Variants in PLXNC1 observed in about 807,000 individuals in gnomAD.
PLXNC1 encodes plexin-C1.
Under a neutral mutation model 178.2 loss-of-function variants are expected in PLXNC1, and 75 were observed. The ratio of observed to expected loss-of-function variants is 0.42; its 90% CI spans 0.35 to 0.51. PLXNC1 has a LOEUF of 0.51. Ranked by LOEUF, PLXNC1 falls within the 20% of genes least tolerant of loss-of-function variation. The probability of loss-of-function intolerance (pLI) is 0.02; values close to 1 mark genes in which losing one functional copy is unlikely to be tolerated. For synonymous variants in PLXNC1, 790 were observed against 779.9 expected, an observed-to-expected ratio of 1.01 and a Z score of -0.22; for missense variants, 1,503 against 1,984.4, an observed-to-expected ratio of 0.76 and a Z score of 4.61.
At chr12:94,283,559 G>A (rs1295708503) in intron 23 of PLXNC1, among the ~76,000 whole-genome samples, 1 of 152,176 alleles carries the variant, frequency 6.6e-6, no homozygotes, top group African/African-American at 2.4e-5. Flanking sequence ...GGAGACGGGA[G>A]TTTTATTATT....
At chr12:94,181,392 A>G (rs1168478146) in intron 2 of PLXNC1, 54 bp from the exon 3 acceptor site, 71 of 1,290,038 alleles carry the variant, frequency 5.5e-5, no homozygotes, top group Non-Finnish European at 7.6e-5. Context: ...GTCTCAAAAA[A>G]AAAAAAAAGT....
In PLXNC1 at chr12:94,293,172, G is replaced by C. The variant is rs758860272; in HGVS notation, c.3880-1314G>C. Among the ~76,000 whole-genome samples, 40 of 152,120 alleles carry C rather than the reference G, an allele frequency of 2.6e-4. 1 individual carries two copies. The highest frequency in any genetic ancestry group is 5.0e-4 in the Non-Finnish European group (34 of 68,014). On this transcript the variant is annotated intron_variant, in intron 23 of 30. Transcript: ENST00000258526. ...CCCATGTGGCGTGTAACAGTAGTTT[G>C]CTCATTTTCATTGTTTTATAAACTG...
rs4761598 is a variant in PLXNC1, at chr12:94,257,855, C to G, written c.3088-1482C>G. Among the ~76,000 whole-genome samples the G allele has an allele frequency of 1.6e-3, 247 of 151,744 alleles. 1 individual carries two copies. In the Middle Eastern group the frequency reaches 0.017, roughly 11 times the overall value. Reference sequence around the variant, plus strand: ...CTGGGAGGCGGAGCTTGCAGTGAGCCGAGATAGCGCCACACTGCACTCCAG... The same window carrying G: ...CTGGGAGGCGGAGCTTGCAGTGAGCGGAGATAGCGCCACACTGCACTCCAG... On this transcript the variant is annotated intron_variant, in intron 17 of 30. Transcript: ENST00000258526.
Position 94,226,723 on chromosome 12 carries a change from TG to T in PLXNC1, c.1893+18del. The T allele has an allele frequency of 6.3e-7, 1 of 1,580,186 alleles. No individual in the cohort carries two copies. Among genetic ancestry groups the T allele is most frequent in the Non-Finnish European group, 8.7e-7 (1 of 1,149,452 alleles). ...GAGAAACCAGGTAAAGTGACATTTTTGGTATTGTAAGTCTTAACCGCCGGGC... is the reference window on the plus strand; with the variant it reads ...GAGAAACCAGGTAAAGTGACATTTTTGTATTGTAAGTCTTAACCGCCGGGC... On this transcript the variant is annotated intron_variant, in intron 8 of 30. Coordinates refer to ENST00000258526, the MANE Select transcript of PLXNC1 (RefSeq NM_005761.3).
At position 94,224,293 on chromosome 12, in the gene PLXNC1, A is replaced by G. The variant is rs79208556; in HGVS notation, c.1768A>G (p.Thr590Ala). The change falls in exon 7 of 31, where the codon ACC (threonine) becomes GCC (alanine). Residue 590 changes from threonine (T) to alanine (A), a missense_variant. Coordinates refer to ENST00000258526, the MANE Select transcript of PLXNC1 (RefSeq NM_005761.3). ...SWNLSDRFNF[T>A]NCSSLKECPA... is the part of the protein sequence containing the mutation. ...GAATTTATCAGACAGATTCAACTTTACCAACTGCTCATCATTAAAAGAGTA... is the reference window on the plus strand; with the variant it reads ...GAATTTATCAGACAGATTCAACTTTGCCAACTGCTCATCATTAAAAGAGTA... The G allele has an allele frequency of 1.2e-4, 187 of 1,560,124 alleles. No individual in the cohort carries two copies. In the African/African-American group the frequency reaches 2.2e-3, roughly 18 times the overall value.
At chr12:94,210,396 A>G (rs1963432891) in intron 5 of PLXNC1, among the ~76,000 whole-genome samples, 2 of 152,236 alleles carry the variant, frequency 1.3e-5, no homozygotes, top group African/African-American at 4.8e-5. Context: ...TTGCAGTCTC[A>G]GTGGTGCTAT....
chr12:94,293,071 T>C (rs372812294), intron 23 of PLXNC1, among the ~76,000 whole-genome samples: 1 of 152,208 alleles, frequency 6.6e-6, no homozygotes, highest in African/African-American at 2.4e-5. Flanking sequence ...TTTCAAGCTC[T>C]ATGTAAATGG....
At chr12:94,303,372 G>T (rs2136235455) in intron 28 of PLXNC1, among the ~76,000 whole-genome samples, 1 of 152,326 alleles carries the variant, frequency 6.6e-6, no homozygotes, top group South Asian at 2.1e-4. Flanking sequence ...AAATTCACTG[G>T]TGGGTGAGGA....
intron 20 of PLXNC1, among the ~76,000 whole-genome samples, chr12:94,264,672 T>A (rs1965137161): frequency 6.6e-6 from 1 of 152,272 alleles, no homozygotes; most frequent in Non-Finnish European, 1.5e-5. Context: ...TGCATTTTTT[T>A]AAATGTCGTT....
chr12:94,256,105 GA>G (rs1964830519), intron 17 of PLXNC1: 1 of 152,042 alleles, frequency 6.6e-6, no homozygotes, highest in Admixed American at 6.6e-5. Flanking sequence ...GCGGTATGAT[GA>G]CCACATAGAG....
Position 94,149,224 on chromosome 12 carries a change from G to A in PLXNC1, c.253G>A (p.Gly85Ser), listed in dbSNP as rs1454942248. ...SLSRLYRDQA[G>S]NCTEPVSLAP... ...CTCGCGCCTGTACCGGGACCAAGCG[G>A]GCAACTGCACAGAGCCGGTCTCGCT... Residue 85 changes from glycine (G) to serine (S), a missense_variant, in exon 1 of 31, where the codon GGC becomes AGC. Around this residue, in one of 4 missense-constraint regions of PLXNC1, gnomAD observed 176 missense variants for 180.7 expected, o/e 0.97. Transcript: ENST00000258526. 5 of 1,584,062 alleles carry A rather than the reference G, an allele frequency of 3.2e-6. No homozygotes were observed. The highest frequency in any genetic ancestry group is 4.3e-6 in the Non-Finnish European group (5 of 1,170,202).
chr12:94,302,462 T>C (rs1265477280), intron 28 of PLXNC1, among the ~76,000 whole-genome samples: 1 of 152,196 alleles, frequency 6.6e-6, no homozygotes, highest in Non-Finnish European at 1.5e-5. Flanking sequence ...TTTGTGAACT[T>C]TCCCCAATAT....
At chr12:94,217,111 C>T (rs1310240328) in intron 5 of PLXNC1, among the ~76,000 whole-genome samples, 2 of 152,246 alleles carry the variant, frequency 1.3e-5, no homozygotes, top group African/African-American at 4.8e-5. Context: ...TTCCCCTGAA[C>T]CTGTTCTTGC....
At chr12:94,240,438 G>T in intron 10 of PLXNC1, 47 bp from the exon 11 acceptor site, 1 of 1,439,420 alleles carries the variant, frequency 6.9e-7, no homozygotes, top group Non-Finnish European at 9.7e-7. Flanking sequence ...AATCAACTGT[G>T]CTAAGTGTCT....
intron 5 of PLXNC1, among the ~76,000 whole-genome samples, chr12:94,213,846 G>C (rs747854566): frequency 6.6e-6 from 1 of 151,710 alleles, no homozygotes; most frequent in African/African-American, 2.4e-5. Context: ...TGTAAGGAAG[G>C]GATCCAGTTT....
In PLXNC1 at chr12:94,307,176, C is replaced by G. The variant is rs917105604; in HGVS notation, c.*1891C>G. ...TGAGTCCTGTGTGGAGAGTTACCTC[C>G]TCTTCCAGGGACTGTGCTGTTGGGA... is the stretch of plus-strand genomic sequence containing the variant. On this transcript the variant is annotated 3_prime_UTR_variant, in exon 31 of 31. Transcript: ENST00000258526. The G allele has an allele frequency of 3.3e-5, 5 of 152,214 alleles. No homozygotes were observed. Among genetic ancestry groups the G allele is most frequent in the African/African-American group, 1.2e-4 (5 of 41,452 alleles). 9.4% of individuals were successfully genotyped at this position (152,214 alleles called of 1,614,324 possible). A position where few individuals can be genotyped will look rare whatever the true frequency, so the allele number is the denominator to read the frequency against.
At chr12:94,170,382 GT>G (rs2135942121) in intron 2 of PLXNC1, among the ~76,000 whole-genome samples, 1 of 152,272 alleles carries the variant, frequency 6.6e-6, no homozygotes, top group Non-Finnish European at 1.5e-5. Context: ...GTTTGATCCT[GT>G]TTCCAAATAT....
intron 5 of PLXNC1, among the ~76,000 whole-genome samples, chr12:94,215,591 T>TAG (rs1963623635): frequency 1.3e-5 from 2 of 150,680 alleles, no homozygotes; most frequent in South Asian, 2.1e-4. Context: ...GATAGATAGA[T>TAG]ATCAAAAATA....
intron 22 of PLXNC1, 32 bp downstream of exon 22, chr12:94,279,681 G>T: frequency 6.3e-7 from 1 of 1,597,054 alleles, no homozygotes; most frequent in East Asian, 2.2e-5. Context: ...GTGGTCCCAG[G>T]CCCTGATGAG....
Sources: gnomAD v4.1 joint callset for allele counts (sites outside exome capture counted in the v4.1 genomes callset) on GRCh38, gnomAD v4.1.1 for gene constraint, gnomAD v4.1.1 regional missense constraint, MANE v1.5 for transcripts, NCBI Gene and HGNC (gene_info 2026-07-23, HGNC 2026-07-21) for gene names.